Variants in ADAMTS19 observed in about 807,000 individuals in gnomAD.
ADAMTS19 encodes the protein A disintegrin and metalloproteinase with thrombospondin motifs 19.
In ADAMTS19, 93 loss-of-function variants were observed where a neutral mutation model predicts 153.3. The ratio of observed to expected loss-of-function variants is 0.61; its 90% CI spans 0.51 to 0.72. The LOEUF (loss-of-function observed/expected upper bound fraction) is 0.72. Ranked by LOEUF, ADAMTS19 falls within the 30% of genes least tolerant of loss-of-function variation. The pLI, the probability that ADAMTS19 is intolerant of heterozygous loss-of-function variation, is 0.00. For synonymous variants in ADAMTS19, 600 were observed against 556.6 expected (o/e 1.08, Z -1.10); for missense variants, 1,482 against 1,552.1 (o/e 0.95, Z 0.76).
chr5:129,602,066 G>A (rs567677120), intron 8 of ADAMTS19, among the ~76,000 whole-genome samples: 5 of 152,178 alleles, frequency 3.3e-5, no homozygotes, highest in Non-Finnish European at 7.4e-5. Flanking sequence ...TCAAACTTGT[G>A]AACTCTTTAC....
At chr5:129,703,057 T>G (rs1351961200) in intron 20 of ADAMTS19, among the ~76,000 whole-genome samples, 1 of 149,686 alleles carries the variant, frequency 6.7e-6, no homozygotes, top group Non-Finnish European at 1.5e-5. Flanking sequence ...CTTTAAGTTA[T>G]GAGACAATTA....
At chr5:129,652,432 G>A (rs780976153) in intron 13 of ADAMTS19, among the ~76,000 whole-genome samples, 2 of 152,140 alleles carry the variant, frequency 1.3e-5, no homozygotes, top group African/African-American at 4.8e-5. Context: ...GACATGCATG[G>A]CTTCAACATT....
chr5:129,617,757 C>T (rs1751596675), intron 8 of ADAMTS19, among the ~76,000 whole-genome samples: 1 of 151,996 alleles, frequency 6.6e-6, no homozygotes, highest in Non-Finnish European at 1.5e-5. Context: ...TTTATAATTT[C>T]TTATTTTAAC....
chr5:129,589,455 C>T (rs1485812882), intron 7 of ADAMTS19, among the ~76,000 whole-genome samples: 8 of 151,908 alleles, frequency 5.3e-5, no homozygotes, highest in Admixed American at 3.9e-4. Context: ...TATATGTATA[C>T]ACACAAGTAC....
chr5:129,518,900 C>T (rs1471423816), intron 3 of ADAMTS19, among the ~76,000 whole-genome samples: 1 of 151,948 alleles, frequency 6.6e-6, no homozygotes, highest in African/African-American at 2.4e-5. Flanking sequence ...TTTGTCTCTT[C>T]TGACTGTGTG....
intron 21 of ADAMTS19, among the ~76,000 whole-genome samples, chr5:129,724,514 G>C (rs549256581): frequency 6.6e-6 from 1 of 152,132 alleles, no homozygotes; most frequent in Admixed American, 6.6e-5. Flanking sequence ...AGAGACCAAG[G>C]CAAGTTTTAT....
chr5:129,536,782 A>G (rs1361019310), intron 6 of ADAMTS19, among the ~76,000 whole-genome samples: 2 of 152,156 alleles, frequency 1.3e-5, no homozygotes, highest in African/African-American at 4.8e-5. Context: ...GAAATTGGAA[A>G]TCATCATTCT....
intron 6 of ADAMTS19, among the ~76,000 whole-genome samples, chr5:129,534,620 A>T (rs1020317886): frequency 9.9e-5 from 15 of 152,186 alleles, no homozygotes; most frequent in African/African-American, 1.4e-4. Flanking sequence ...GACACAACAA[A>T]AAAAGAGAAT....
chr5:129,658,333 G>GAAAGAA (rs1554103326), intron 14 of ADAMTS19, among the ~76,000 whole-genome samples: 11 of 104,400 alleles, frequency 1.1e-4, no homozygotes, highest in Non-Finnish European at 2.3e-4. Context: ...AAGAAAGAAA[G>GAAAGAA]AAAGAAAGAA....
At chr5:129,540,669 A>G (rs1752625021) in intron 6 of ADAMTS19, among the ~76,000 whole-genome samples, 1 of 152,100 alleles carries the variant, frequency 6.6e-6, no homozygotes, top group African/African-American at 2.4e-5. Context: ...AATACAAATT[A>G]CAGAATAATT....
intron 7 of ADAMTS19, among the ~76,000 whole-genome samples, chr5:129,558,946 G>C (rs1332756376): frequency 6.6e-6 from 1 of 151,874 alleles, no homozygotes; most frequent in Non-Finnish European, 1.5e-5. Context: ...ATTTCTTAGA[G>C]AGTACACAGA....
Position 129,569,171 on chromosome 5 carries a change from A to G in ADAMTS19, c.1372+17264A>G, listed in dbSNP as rs567101113. Among the ~76,000 whole-genome samples, 5 of 152,228 alleles carry G rather than the reference A, an allele frequency of 3.3e-5. No individual in the cohort carries two copies. In the East Asian group the frequency reaches 5.8e-4, roughly 18 times the overall value. ...AAGTAAAAAACAAAAACAAAACAAA[A>G]AAACCCTCAAGTGACTATTTATATC... On this transcript the variant is annotated intron_variant, in intron 7 of 22. Transcript: ENST00000274487.
chr5:129,562,537 A>C (rs1418670298), intron 7 of ADAMTS19, among the ~76,000 whole-genome samples: 1 of 152,212 alleles, frequency 6.6e-6, no homozygotes, highest in Non-Finnish European at 1.5e-5. Context: ...AAAGGGTCTT[A>C]TGGAATCCCA....
intron 16 of ADAMTS19, among the ~76,000 whole-genome samples, chr5:129,669,608 C>A (rs954206485): frequency 6.6e-6 from 1 of 151,944 alleles, no homozygotes; most frequent in African/African-American, 2.4e-5. Context: ...TTCTCCATTT[C>A]ACTTATCTCT....
intron 10 of ADAMTS19, 79 bp from the exon 11 acceptor site, chr5:129,641,780 A>G: frequency 1.2e-6 from 1 of 820,454 alleles, no homozygotes; most frequent in Non-Finnish European, 1.9e-6. Context: ...CTATCAAAAT[A>G]GCTTTCTTAA....
At chr5:129,486,437 AAC>A (rs746937851) in intron 2 of ADAMTS19, among the ~76,000 whole-genome samples, 1 of 152,186 alleles carries the variant, frequency 6.6e-6, no homozygotes, top group South Asian at 2.1e-4. Context: ...TAATACTAAA[AAC>A]ATCTGACAGT....
chr5:129,690,668 G>A (rs761586310), intron 18 of ADAMTS19, among the ~76,000 whole-genome samples: 9 of 152,232 alleles, frequency 5.9e-5, no homozygotes, highest in Non-Finnish European at 1.3e-4. Flanking sequence ...TTAAATAAAT[G>A]TAGGTGTAAA....
chr5:129,479,027 C>T (rs1750323032), intron 2 of ADAMTS19, among the ~76,000 whole-genome samples: 2 of 152,118 alleles, frequency 1.3e-5, no homozygotes, highest in African/African-American at 2.4e-5. Flanking sequence ...CAGAAACCCA[C>T]TAAGGTACGT....
At chr5:129,596,246 C>G (rs1396064254) in intron 7 of ADAMTS19, among the ~76,000 whole-genome samples, 1 of 151,958 alleles carries the variant, frequency 6.6e-6, no homozygotes, top group Non-Finnish European at 1.5e-5. Context: ...CAAGTTATAA[C>G]TATTCATTTG....
Sources: allele counts gnomAD v4.1 joint callset (sites outside exome capture counted in the v4.1 genomes callset), GRCh38; gene constraint gnomAD v4.1.1; transcripts MANE v1.5; gene names NCBI Gene and HGNC (gene_info 2026-07-23, HGNC 2026-07-21).